Variants in SV2C observed in about 807,000 individuals in gnomAD.
SV2C encodes the protein solute carrier family 22 member B3.
A neutral mutation model predicts 79.7 loss-of-function variants in SV2C; 49 were observed. The observed-to-expected ratio is 0.61, with a 90% confidence interval of 0.49 to 0.78. SV2C has a LOEUF of 0.78. Among genes scored for constraint, SV2C ranks in the 30% least tolerant of loss-of-function variants. The probability of loss-of-function intolerance (pLI) is 0.00; values close to 1 mark genes in which losing one functional copy is unlikely to be tolerated. For missense variants in SV2C, 833 were observed against 912.9 expected (o/e 0.91, Z 1.13); for synonymous variants, 334 against 333.2 (o/e 1.00, Z -0.03).
chr5:75,899,388 T>C, the SV2C span, among the ~76,000 whole-genome samples: 1 of 152,220 alleles, frequency 6.6e-6, no homozygotes, highest in Non-Finnish European at 1.5e-5. Context: ...TTTGAGTGAG[T>C]TTCTTAATCC....
At chr5:75,898,508 A>T in the SV2C span, among the ~76,000 whole-genome samples, 1 of 152,168 alleles carries the variant, frequency 6.6e-6, no homozygotes, top group African/African-American at 2.4e-5. Context: ...ATGTTCATCA[A>T]GGATATTGGT....
chr5:76,107,894 A>G (rs1220547178), intron 1 of SV2C, among the ~76,000 whole-genome samples: 1 of 152,178 alleles, frequency 6.6e-6, no homozygotes, highest in South Asian at 2.1e-4. Context: ...ATTTATTTTC[A>G]TGAGGTTTTG....
chr5:76,003,289 G>A, the SV2C span, among the ~76,000 whole-genome samples: 30 of 152,054 alleles, frequency 2.0e-4, no homozygotes, highest in African/African-American at 6.3e-4. Context: ...GACTAACACA[G>A]ACTATAAAGA....
chr5:76,278,243 T>G (rs1423240633), intron 4 of SV2C, among the ~76,000 whole-genome samples: 2 of 151,750 alleles, frequency 1.3e-5, no homozygotes, highest in Non-Finnish European at 2.9e-5. Flanking sequence ...TTAGGAGGTC[T>G]TGATGAGTGG....
At chr5:76,270,264 C>T (rs1457362032) in intron 4 of SV2C, among the ~76,000 whole-genome samples, 2 of 152,166 alleles carry the variant, frequency 1.3e-5, no homozygotes. Flanking sequence ...AGTATATTAA[C>T]TCTTGGATGT....
chr5:76,003,155 G>T, the SV2C span, among the ~76,000 whole-genome samples: 1 of 152,026 alleles, frequency 6.6e-6, no homozygotes, highest in African/African-American at 2.4e-5. Context: ...TTCCCCTTCT[G>T]CCATTATTGT....
chr5:75,887,109 G>T, the SV2C span, among the ~76,000 whole-genome samples: 207 of 152,172 alleles, frequency 1.4e-3, no homozygotes, highest in African/African-American at 4.8e-3. Context: ...ATGTATTTAT[G>T]ATGTATAAGT....
intron 2 of SV2C, among the ~76,000 whole-genome samples, chr5:76,182,422 T>C (rs1289602052): frequency 6.6e-6 from 1 of 152,200 alleles, no homozygotes; most frequent in Non-Finnish European, 1.5e-5. Context: ...TACAGCCTTT[T>C]CTCTCTTCTC....
chr5:76,041,902 G>C, the SV2C span, among the ~76,000 whole-genome samples: 10 of 152,274 alleles, frequency 6.6e-5, no homozygotes, highest in African/African-American at 2.2e-4. Flanking sequence ...TGACGGAAGA[G>C]AATCTAGCGT....
intron 4 of SV2C, among the ~76,000 whole-genome samples, chr5:76,257,420 G>T (rs1315366169): frequency 6.6e-6 from 1 of 151,662 alleles, no homozygotes; most frequent in Non-Finnish European, 1.5e-5. Context: ...GGTATGGTTT[G>T]TGTGTGGGTA....
chr5:75,850,291 G>T, the SV2C span, among the ~76,000 whole-genome samples: 1 of 152,170 alleles, frequency 6.6e-6, no homozygotes, highest in South Asian at 2.1e-4. Context: ...GAATTAAAAT[G>T]TATACACACA....
chr5:76,174,761 T>TA (rs1318287448), intron 2 of SV2C, among the ~76,000 whole-genome samples: 2 of 152,254 alleles, frequency 1.3e-5, no homozygotes, highest in African/African-American at 4.8e-5. Context: ...CATTCTTTGT[T>TA]ACTAGCTAAG....
At chr5:76,165,407 T>A (rs1454305181) in intron 2 of SV2C, among the ~76,000 whole-genome samples, 1 of 152,168 alleles carries the variant, frequency 6.6e-6, no homozygotes, top group Non-Finnish European at 1.5e-5. Context: ...TTTTATCACA[T>A]ATGTAGATTT....
At chr5:75,941,488 T>G in the SV2C span, among the ~76,000 whole-genome samples, 1 of 152,190 alleles carries the variant, frequency 6.6e-6, no homozygotes. Flanking sequence ...AAAATCCCCC[T>G]TATCAAAATT....
the SV2C span, among the ~76,000 whole-genome samples, chr5:75,890,920 C>T: frequency 2.6e-5 from 4 of 151,982 alleles, no homozygotes; most frequent in Admixed American, 1.3e-4. Context: ...TTCTGGTTGG[C>T]TGTATGTTGA....
exon 13 of SV2C, chr5:76,353,234 T>C (rs1156264157): frequency 6.6e-6 from 2 of 302,942 alleles, no homozygotes; most frequent in East Asian, 2.3e-4. Flanking sequence ...CTCGAGCCAC[T>C]GCACCTGGCT....
upstream of SV2C, chr5:76,082,057 T>A (rs567121653): frequency 1.3e-5 from 2 of 152,410 alleles, no homozygotes; most frequent in East Asian, 3.9e-4. Flanking sequence ...TGTGTTTGAG[T>A]TCCAATCACT....
At chr5:76,309,226 A>ATGAC (rs1315093974) in intron 12 of SV2C, among the ~76,000 whole-genome samples, 1 of 152,168 alleles carries the variant, frequency 6.6e-6, no homozygotes, top group Non-Finnish European at 1.5e-5. Context: ...CTTACAGAGA[A>ATGAC]TGACAAGATC....
chr5:75,887,373 C>T, the SV2C span, among the ~76,000 whole-genome samples: 8 of 151,966 alleles, frequency 5.3e-5, no homozygotes, highest in African/African-American at 1.9e-4. Flanking sequence ...ACCCCCACCC[C>T]AGCCCCCCGT....
Sources: allele counts gnomAD v4.1 joint callset (sites outside exome capture counted in the v4.1 genomes callset), GRCh38; gene constraint gnomAD v4.1.1; transcripts MANE v1.5; gene names NCBI Gene and HGNC (gene_info 2026-07-23, HGNC 2026-07-21).